The following PCSK5 variants were observed in gnomAD, a reference collection of about 807,000 sequenced individuals.
The protein encoded by PCSK5 is prohormone convertase 5.
PCSK5 carries 129 observed loss-of-function variants against 233.2 expected under a neutral mutation model. That is an observed-to-expected ratio of 0.55 (90% CI 0.48 to 0.64). PCSK5 has a LOEUF of 0.64. Ranked by LOEUF, PCSK5 falls within the 30% of genes least tolerant of loss-of-function variation. PCSK5 has a pLI of 0.00. For missense variants in PCSK5, 2,076 were observed against 2,430.1 expected, an observed-to-expected ratio of 0.85 and a Z score of 3.06; for synonymous variants, 825 against 879.2, an observed-to-expected ratio of 0.94 and a Z score of 1.09.
chr9:76,132,748 A>G (rs1822809637), intron 9 of PCSK5, among the ~76,000 whole-genome samples: 1 of 152,048 alleles, frequency 6.6e-6, no homozygotes, highest in African/African-American at 2.4e-5. Flanking sequence ...CAGTACAACG[A>G]CATAAAGCAG....
chr9:76,329,504 CACTT>C (rs1246008637), intron 33 of PCSK5, among the ~76,000 whole-genome samples: 1 of 152,060 alleles, frequency 6.6e-6, no homozygotes, highest in Non-Finnish European at 1.5e-5. Flanking sequence ...TGTTTCCACA[CACTT>C]TCTTTTTCTT....
At chr9:76,063,080 ACATAATGACCTCTGGTTCCATC>A (rs1830088347) in intron 5 of PCSK5, among the ~76,000 whole-genome samples, 1 of 151,802 alleles carries the variant, frequency 6.6e-6, no homozygotes, top group Non-Finnish European at 1.5e-5. Flanking sequence ...ATGTCACTTA[ACATAATGACCTCTGGTTCCATC>A]CATGCTGAGA....
chr9:75,929,885 CAG>C (rs1823700322), intron 1 of PCSK5, among the ~76,000 whole-genome samples: 1 of 140,246 alleles, frequency 7.1e-6, no homozygotes, highest in Middle Eastern at 4.1e-3. Flanking sequence ...TTTTTTAAGA[CAG>C]AGTCTCACTC....
chr9:76,007,767 C>T (rs187718909), intron 3 of PCSK5, among the ~76,000 whole-genome samples: 10 of 148,534 alleles, frequency 6.7e-5, no homozygotes, highest in Admixed American at 5.3e-4. Context: ...GCTGGGACCA[C>T]AGGCGCCTGT....
chr9:75,889,860 C>T (rs1022264346), upstream of PCSK5, among the ~76,000 whole-genome samples: 5 of 152,130 alleles, frequency 3.3e-5, no homozygotes, highest in African/African-American at 1.2e-4. Context: ...TCTGAACTTC[C>T]TCTGTGGTCT....
chr9:76,011,844 A>G (rs2131455406), intron 3 of PCSK5, among the ~76,000 whole-genome samples: 1 of 152,350 alleles, frequency 6.6e-6, no homozygotes, highest in Non-Finnish European at 1.5e-5. Context: ...TGTTTATTGA[A>G]TAAATGTCAG....
rs1429044954 is a variant in PCSK5, at chr9:76,100,507, T to C, written c.1107+4405T>C. On this transcript the variant is annotated intron_variant, in intron 8 of 37. Transcript: ENST00000674117. Reference sequence around the variant, plus strand: ...ATGAGAAAACTAAAGCTTGAGAAGTTAAGCAAACAAAAACCATAGCTAGTA... The same window carrying C: ...ATGAGAAAACTAAAGCTTGAGAAGTCAAGCAAACAAAAACCATAGCTAGTA... Among the ~76,000 whole-genome samples, 3 of 152,310 alleles carry C rather than the reference T, an allele frequency of 2.0e-5. No individual in the cohort carries two copies. In the East Asian group the frequency reaches 5.8e-4, roughly 29 times the overall value.
chr9:76,187,875 TAAATAATA>T (rs1824180528), intron 17 of PCSK5, among the ~76,000 whole-genome samples: 1 of 151,976 alleles, frequency 6.6e-6, no homozygotes. Context: ...CCAGAAACAC[TAAATAATA>T]ATATAACAAC....
At chr9:75,934,407 C>T (rs879451584) in intron 2 of PCSK5, among the ~76,000 whole-genome samples, 7 of 152,074 alleles carry the variant, frequency 4.6e-5, no homozygotes, top group Non-Finnish European at 7.4e-5. Flanking sequence ...GGCCCTTTTT[C>T]GAGCCCCTAG....
chr9:75,907,084 T>C (rs1380065375), intron 1 of PCSK5, among the ~76,000 whole-genome samples: 1 of 152,202 alleles, frequency 6.6e-6, no homozygotes, highest in Admixed American at 6.5e-5. Flanking sequence ...TCTGGAAGTA[T>C]ACGTAAAATG....
Position 76,343,702 on chromosome 9 carries a change from T to G in PCSK5, c.4966+5255T>G, listed in dbSNP as rs528294313. ...CAGCCTGCTTTGCATGGCTACCTCTTTCTGATCCATTAGAGTCATCACTTC... is the reference window on the plus strand; with the variant it reads ...CAGCCTGCTTTGCATGGCTACCTCTGTCTGATCCATTAGAGTCATCACTTC... On this transcript the variant is annotated intron_variant, in intron 35 of 37. Transcript: ENST00000674117. Among the ~76,000 whole-genome samples the G allele has an allele frequency of 3.5e-4, 54 of 152,212 alleles. 1 individual carries two copies. The South Asian group carries it at 7.2e-3, about 20-fold the overall frequency.
At chr9:75,976,975 T>C (rs1012893815) in intron 2 of PCSK5, among the ~76,000 whole-genome samples, 3 of 152,164 alleles carry the variant, frequency 2.0e-5, no homozygotes, top group African/African-American at 7.2e-5. Context: ...ATTATGGACT[T>C]GGCATTGACC....
chr9:76,321,400 G>A (rs946356301), intron 30 of PCSK5, 22 bp from the exon 31 acceptor site: 3 of 1,294,218 alleles, frequency 2.3e-6, no homozygotes, highest in Admixed American at 1.7e-5. Flanking sequence ...TTCTCCAGTT[G>A]CACTCTGTCT....
intron 7 of PCSK5, among the ~76,000 whole-genome samples, chr9:76,082,939 T>C (rs1385629606): frequency 6.6e-6 from 1 of 152,042 alleles, no homozygotes; most frequent in Non-Finnish European, 1.5e-5. Flanking sequence ...CCGGGCACGG[T>C]GGCTCATGCG....
intron 1 of PCSK5, among the ~76,000 whole-genome samples, chr9:75,907,969 C>A (rs1408033634): frequency 6.6e-6 from 1 of 152,166 alleles, no homozygotes. Context: ...CCGGATTGGC[C>A]ATTTAAGTGC....
intron 8 of PCSK5, among the ~76,000 whole-genome samples, chr9:76,105,357 C>T (rs781527692): frequency 5.3e-5 from 8 of 152,086 alleles, no homozygotes; most frequent in East Asian, 3.8e-4. Context: ...GAAAGAAGAA[C>T]GGTGGTTGCC....
At chr9:75,999,464 T>C (rs1260290835) in intron 3 of PCSK5, among the ~76,000 whole-genome samples, 1 of 152,202 alleles carries the variant, frequency 6.6e-6, no homozygotes, top group Admixed American at 6.5e-5. Flanking sequence ...ATTGTTTCTA[T>C]AGATATTAAA....
intron 12 of PCSK5, among the ~76,000 whole-genome samples, chr9:76,166,207 T>G (rs763740683): frequency 5.9e-5 from 9 of 152,156 alleles, no homozygotes; most frequent in Non-Finnish European, 1.0e-4. Context: ...TTTGGCTGCA[T>G]TTTCATTCCT....
chr9:76,235,248 C>T (rs749745174), intron 22 of PCSK5, among the ~76,000 whole-genome samples: 13 of 151,912 alleles, frequency 8.6e-5, no homozygotes, highest in South Asian at 4.2e-4. Flanking sequence ...TTGTTACTGA[C>T]GAGAAGGTAC....
Sources: allele counts gnomAD v4.1 joint callset (sites outside exome capture counted in the v4.1 genomes callset), GRCh38; gene constraint gnomAD v4.1.1; transcripts MANE v1.5; gene names NCBI Gene and HGNC (gene_info 2026-07-23, HGNC 2026-07-21).